INTS3: variants seen among roughly 807,000 people sequenced by gnomAD.
INTS3 encodes SOSS complex subunit A.
INTS3 carries 34 observed loss-of-function variants against 146.3 expected under a neutral mutation model. The observed-to-expected ratio is 0.23, with a 90% CI of 0.18 to 0.31. INTS3 has a LOEUF of 0.31. Among genes scored for constraint, INTS3 ranks in the 10% least tolerant of loss-of-function variants. The probability of loss-of-function intolerance (pLI) is 1.00; values close to 1 mark genes in which losing one functional copy is unlikely to be tolerated. For synonymous variants in INTS3, 475 were observed against 494.9 expected, an observed-to-expected ratio of 0.96 and a Z score of 0.53; for missense variants, 757 against 1,304.2, an observed-to-expected ratio of 0.58 and a Z score of 6.46.
In INTS3 at chr1:153,757,825, T is replaced by C. The variant is rs1406879115; in HGVS notation, c.1149+62T>C. 6.9e-7 allele frequency: 1 copy of C among 1,454,754 alleles called. No individual in the cohort carries two copies. 90.1% of individuals were successfully genotyped at this position (1,454,754 alleles called of 1,614,324 possible). ...CTTCCATGGTGTTCCCATGTTTCCA[T>C]TCTTCTTCCTGACTCCAGGGCCACT... On this transcript the variant is annotated intron_variant, in intron 10 of 29. Transcript: ENST00000318967. The surrounding 1 kb of genome is among the most constrained non-coding windows in gnomAD (Gnocchi z 4.0).
chr1:153,736,978 A>G (rs922786561), intron 1 of INTS3, among the ~76,000 whole-genome samples: 2 of 151,108 alleles, frequency 1.3e-5, no homozygotes, highest in Non-Finnish European at 2.9e-5. Context: ...CTTGTTAGCC[A>G]GGATGGTCTC....
intron 10 of INTS3, 62 bp from the exon 11 acceptor site, chr1:153,759,464 C>A: frequency 9.0e-7 from 1 of 1,111,474 alleles, no homozygotes; most frequent in Non-Finnish European, 1.4e-6. Flanking sequence ...TGTCTTGGGA[C>A]TCTGAAATGG....
At chr1:153,758,331 T>C (rs765145288) in intron 10 of INTS3, among the ~76,000 whole-genome samples, 8 of 152,158 alleles carry the variant, frequency 5.3e-5, no homozygotes, top group Non-Finnish European at 1.0e-4. Flanking sequence ...GATTCAGATA[T>C]GACAACAGGC....
chr1:153,773,548 T>G lies in INTS3; in HGVS notation c.*278T>G. ...CCAGAGGCTCTGTAAAATCAGACCA[T>G]AGTGGAAGTCCTCAGCCCCCTGGCC... On this transcript the variant is annotated 3_prime_UTR_variant, in exon 30 of 30. Coordinates refer to ENST00000318967, the MANE Select transcript of INTS3 (RefSeq NM_023015.5). 1 of 553,862 alleles carries G rather than the reference T, an allele frequency of 1.8e-6. No homozygotes were observed. The highest frequency in any genetic ancestry group is 3.3e-6 in the Non-Finnish European group (1 of 301,660). The allele number at this position is 553,862 out of a possible 1,614,324, so 34.3% of individuals were successfully genotyped here. A position where few individuals can be genotyped will look rare whatever the true frequency, so the allele number is the denominator to read the frequency against.
intron 1 of INTS3, among the ~76,000 whole-genome samples, chr1:153,738,253 C>T (rs2101783481): frequency 6.6e-6 from 1 of 152,266 alleles, no homozygotes; most frequent in East Asian, 1.9e-4. Context: ...CATGCACAAC[C>T]ATGCTCAGCT....
At chr1:153,746,888 G>T in intron 3 of INTS3, 69 bp from the exon 4 acceptor site, 1 of 869,654 alleles carries the variant, frequency 1.1e-6, no homozygotes, top group South Asian at 1.4e-5. Context: ...AGGGCAAGGG[G>T]TCCACTGTGG....
At chr1:153,763,976 C>G in intron 17 of INTS3, 90 bp downstream of exon 17, 2 of 1,357,898 alleles carry the variant, frequency 1.5e-6, no homozygotes, top group South Asian at 2.3e-5. Flanking sequence ...TTTTTCCCTC[C>G]CCTAGATGAG....
chr1:153,759,697 C>G, intron 11 of INTS3, 84 bp downstream of exon 11: 1 of 883,374 alleles, frequency 1.1e-6, no homozygotes, highest in Non-Finnish European at 1.9e-6. Context: ...TCATAAATCT[C>G]AGGGCACCGT....
chr1:153,739,841 C>T (rs1671454168), intron 1 of INTS3, among the ~76,000 whole-genome samples: 1 of 151,980 alleles, frequency 6.6e-6, no homozygotes, highest in African/African-American at 2.4e-5. Context: ...GTCGCCCAGG[C>T]TGGAGTGCAG....
intron 1 of INTS3, among the ~76,000 whole-genome samples, chr1:153,730,537 C>T (rs6698058): frequency 0.4 from 60,325 of 151,922 alleles, 12,692 homozygotes; most frequent in East Asian, 0.54. Flanking sequence ...TTCTTAGAGG[C>T]GTCATTGTGT....
chr1:153,741,344 C>T lies in INTS3; in HGVS notation c.294C>T (p.Leu98=), dbSNP rs562660695. 16 of 1,613,996 alleles carry T rather than the reference C, an allele frequency of 9.9e-6. No homozygotes were observed. The highest frequency in any genetic ancestry group is 9.9e-5 in the South Asian group (9 of 91,084). The change falls in exon 3 of 30, where the codon CTC becomes CTT. Residue 98 remains leucine, a synonymous_variant. Transcript: ENST00000318967. ...EICLGLFTLI[L]TEPAQAQKCY... ...GCCTGGGCCTGTTTACTCTCATCCT[C>T]ACTGAACCTGCCCAAGCCCAGAAGG...
At chr1:153,743,840 G>T (rs1671628407) in intron 3 of INTS3, among the ~76,000 whole-genome samples, 1 of 152,072 alleles carries the variant, frequency 6.6e-6, no homozygotes, top group South Asian at 2.1e-4. Context: ...AAGGGTCAAG[G>T]ACTCAGGCCC....
rs143916084 is a variant in INTS3, at chr1:153,757,748, C to G, written c.1134C>G (p.Leu378=). 7 of 1,613,334 alleles carry G rather than the reference C, an allele frequency of 4.3e-6. No homozygotes were observed. The African/African-American group carries it at 9.3e-5, about 22-fold the overall frequency. The change falls in exon 10 of 30, where the codon CTC becomes CTG. Residue 378 remains leucine (L), a synonymous_variant. Transcript: ENST00000318967. The surrounding 1 kb of genome is among the most constrained non-coding windows in gnomAD (Gnocchi z 4.0). ...CCCGGTGGGCCATCATTGGTTGGCT[C>G]CTGACAACGTGCACGGTGAGGGCAA... ...ILPRWAIIGW[L]LTTCTSNVAA...
Position 153,728,610 on chromosome 1 carries a change from C to G in INTS3, c.-25C>G. The G allele has an allele frequency of 2.5e-6, 4 of 1,593,472 alleles. No homozygotes were observed. The highest frequency in any genetic ancestry group is 3.4e-6 in the Non-Finnish European group (4 of 1,172,862). On this transcript the variant is annotated 5_prime_UTR_variant, in exon 1 of 30. Coordinates refer to ENST00000318967, the MANE Select transcript of INTS3 (RefSeq NM_023015.5). ...ACTGTCCATCCATCCACTCCCTGAC[C>G]TTTTCCCGGCTCCTGGCTGCAGCCA...
rs570965826 is a variant in INTS3, at chr1:153,770,792, G to A, written c.2552+59G>A. ...ATTTTAACATCCCAAGAGCTGCTGT[G>A]GTCTAAAGGGCTTCTGTCCTCCTCC... On this transcript the variant is annotated intron_variant, in intron 25 of 29. Transcript: ENST00000318967. 22 of 1,336,602 alleles carry A rather than the reference G, an allele frequency of 1.6e-5. 1 individual carries two copies. The African/African-American group carries it at 1.9e-4, about 11-fold the overall frequency. 82.8% of individuals were successfully genotyped at this position (1,336,602 alleles called of 1,614,324 possible). A position where few individuals can be genotyped will look rare whatever the true frequency, so the allele number is the denominator to read the frequency against.
intron 17 of INTS3, 56 bp downstream of exon 17, chr1:153,763,942 C>T (rs1178739314): frequency 2.2e-5 from 33 of 1,526,006 alleles, no homozygotes; most frequent in South Asian, 1.8e-4. Context: ...TTAGCTTACA[C>T]GTCTCCCAGG....
At chr1:153,752,767 C>T (rs1672006324) in intron 8 of INTS3, among the ~76,000 whole-genome samples, 2 of 152,090 alleles carry the variant, frequency 1.3e-5, no homozygotes, top group Admixed American at 1.3e-4. Context: ...CAGAGGTCAA[C>T]TCGTGAGACT....
At chr1:153,770,443 C>T (rs1041499065) in intron 24 of INTS3, 132 bp downstream of exon 24, 1 of 738,058 alleles carries the variant, frequency 1.4e-6, no homozygotes, top group Non-Finnish European at 2.4e-6. Flanking sequence ...TGCACAAGGG[C>T]AGGCTCTCTG....
At chr1:153,747,542 T>TG (rs959988630) in intron 5 of INTS3, 179 bp downstream of exon 5, 15 of 620,148 alleles carry the variant, frequency 2.4e-5, no homozygotes, top group African/African-American at 1.3e-4. Flanking sequence ...TGAAAAATCA[T>TG]GGGGGGCCTT....
Sources: gnomAD v4.1 joint callset for allele counts (sites outside exome capture counted in the v4.1 genomes callset) on GRCh38, gnomAD v4.1.1 for gene constraint, Gnocchi (gnomAD v3.1) non-coding constraint, MANE v1.5 for transcripts, NCBI Gene and HGNC (gene_info 2026-07-23, HGNC 2026-07-21) for gene names.